The following KIF13A variants were observed in gnomAD, a reference collection of about 807,000 sequenced individuals.
The protein encoded by KIF13A is kinesin family member 13A.
A neutral mutation model predicts 212.2 loss-of-function variants in KIF13A; 79 were observed. The observed-to-expected ratio is 0.37, with a 90% CI of 0.31 to 0.45. The LOEUF (loss-of-function observed/expected upper bound fraction) is 0.45. Among genes scored for constraint, KIF13A ranks in the 20% least tolerant of loss-of-function variants. The pLI, the probability that KIF13A is intolerant of heterozygous loss-of-function variation, is 1.00. For synonymous variants in KIF13A, 789 were observed against 808.6 expected (o/e 0.98, Z 0.41); for missense variants, 1,901 against 2,209.0 (o/e 0.86, Z 2.79).
chr6:17,884,615 A>G (rs1771375315), intron 3 of KIF13A, among the ~76,000 whole-genome samples: 1 of 152,236 alleles, frequency 6.6e-6, no homozygotes, highest in Non-Finnish European at 1.5e-5. Context: ...TATCAATGCA[A>G]AACACACTAC....
At position 17,842,230 on chromosome 6, in the gene KIF13A, T is replaced by C. The variant is rs148576078; in HGVS notation, c.831-4647A>G. Among the ~76,000 whole-genome samples the C allele has an allele frequency of 3.8e-3, 572 of 151,788 alleles. 5 individuals are homozygous for C. The highest frequency in any genetic ancestry group is 0.013 in the African/African-American group (540 of 41,408). On this transcript the variant is annotated intron_variant, in intron 9 of 38. Transcript: ENST00000259711. ...ACACCTGGCTAATTTTTAAATTTTT[T>C]TGTAGAGATGGGGTCTGGCTATGTT...
Position 17,809,351 on chromosome 6 carries a change from T to A in KIF13A, c.2001-421A>T, listed in dbSNP as rs1055712716. Among the ~76,000 whole-genome samples the A allele has an allele frequency of 2.0e-5, 3 of 152,194 alleles. No homozygotes were observed. Among genetic ancestry groups the A allele is most frequent in the African/African-American group, 7.2e-5 (3 of 41,446 alleles). On this transcript the variant is annotated intron_variant, in intron 17 of 38. Coordinates refer to ENST00000259711, the MANE Select transcript of KIF13A (RefSeq NM_022113.6). The surrounding 1 kb of genome is among the most constrained non-coding windows in gnomAD (Gnocchi z 4.7). ...AATTATTTTTCATGACTTCTGCAGTTGGCAAAAGGCATGCAATGGTAAGGT... is the reference window on the plus strand; with the variant it reads ...AATTATTTTTCATGACTTCTGCAGTAGGCAAAAGGCATGCAATGGTAAGGT...
At chr6:17,916,735 A>C (rs1313453502) in intron 2 of KIF13A, among the ~76,000 whole-genome samples, 1 of 152,204 alleles carries the variant, frequency 6.6e-6, no homozygotes, top group Non-Finnish European at 1.5e-5. Flanking sequence ...CAACAACAGG[A>C]AAATACAAAT....
intron 38 of KIF13A, among the ~76,000 whole-genome samples, chr6:17,767,101 A>C (rs528098522): frequency 3.0e-4 from 45 of 152,322 alleles, no homozygotes; most frequent in African/African-American, 1.1e-3. Flanking sequence ...ATTCTAAATT[A>C]AGTAGCATTA....
chr6:17,800,736 G>C (rs187856561), intron 20 of KIF13A, among the ~76,000 whole-genome samples: 17 of 152,022 alleles, frequency 1.1e-4, no homozygotes, highest in African/African-American at 3.4e-4. Flanking sequence ...AAGTAGCTGG[G>C]ATTACAGGTG....
chr6:17,831,312 G>C, intron 12 of KIF13A, 77 bp from the exon 13 acceptor site: 1 of 1,506,466 alleles, frequency 6.6e-7, no homozygotes, highest in Non-Finnish European at 9.0e-7. Context: ...GAAAGAGTAA[G>C]TCACTGTTTC....
At chr6:17,813,503 A>G (rs915130950) in intron 17 of KIF13A, among the ~76,000 whole-genome samples, 1 of 152,276 alleles carries the variant, frequency 6.6e-6, no homozygotes, top group African/African-American at 2.4e-5. Context: ...CAGAAAAAAG[A>G]GTAATATAAG....
rs981783817 is a variant in KIF13A at position 17,968,615 on chromosome 6, C to T, written c.146+18439G>A. ...GCTGCTCCATAGGTTGTGCAGTGAA[C>T]ATTAAAAATGTGAACTTTGTCAAAG... On this transcript the variant is annotated intron_variant, in intron 2 of 38. Transcript: ENST00000259711. This position sits in a 1 kb window ranked among gnomAD's most constrained non-coding sequence, Gnocchi z 4.7. Among the ~76,000 whole-genome samples, 10 of 152,200 alleles carry T rather than the reference C, an allele frequency of 6.6e-5. No homozygotes were observed. The highest frequency in any genetic ancestry group is 1.7e-4 in the African/African-American group (7 of 41,440).
chr6:17,866,898 C>G (rs1769460583), intron 4 of KIF13A, among the ~76,000 whole-genome samples: 1 of 141,794 alleles, frequency 7.1e-6, no homozygotes, highest in Non-Finnish European at 1.5e-5. Flanking sequence ...CATATATATA[C>G]ACTTAAAAAA....
chr6:17,945,025 C>T (rs1002160635), intron 2 of KIF13A, among the ~76,000 whole-genome samples: 1 of 152,168 alleles, frequency 6.6e-6, no homozygotes, highest in Non-Finnish European at 1.5e-5. Flanking sequence ...GTAATTCCAG[C>T]ACTTTGGGAG....
At chr6:17,959,409 T>C (rs1778628548) in intron 2 of KIF13A, among the ~76,000 whole-genome samples, 1 of 152,232 alleles carries the variant, frequency 6.6e-6, no homozygotes. Flanking sequence ...AAAAAGAGTT[T>C]TATAAAATAT....
chr6:17,821,688 A>G, intron 16 of KIF13A: 1 of 1,307,750 alleles, frequency 7.6e-7, no homozygotes, highest in Non-Finnish European at 1.0e-6. Flanking sequence ...CAATCATGTT[A>G]GTTAGATTTT....
rs1038815973 is a variant in KIF13A at position 17,900,395 on chromosome 6, C to T, written c.147-2215G>A. On this transcript the variant is annotated intron_variant, in intron 2 of 38. Coordinates refer to ENST00000259711, the MANE Select transcript of KIF13A (RefSeq NM_022113.6). This position sits in a 1 kb window ranked among gnomAD's most constrained non-coding sequence, Gnocchi z 4.6. ...CTTCATTCTTCTTAGAAAACCAATCCTATTTCAGCATTTTAAGCACTTTAA... is the reference window on the plus strand; with the variant it reads ...CTTCATTCTTCTTAGAAAACCAATCTTATTTCAGCATTTTAAGCACTTTAA... 3.9e-5 allele frequency among the ~76,000 whole-genome samples: 6 copies of T among 152,200 alleles called. No individual in the cohort carries two copies. The South Asian group carries it at 8.3e-4, about 21-fold the overall frequency.
At chr6:17,782,858 C>T (rs971084273) in intron 29 of KIF13A, among the ~76,000 whole-genome samples, 1 of 152,186 alleles carries the variant, frequency 6.6e-6, no homozygotes, top group African/African-American at 2.4e-5. Context: ...GTTCGCCCCT[C>T]ACAAATCTCT....
rs1760814551 is a variant in KIF13A, at chr6:17,783,822, T to C, written c.3489-121A>G. 1.5e-6 allele frequency: 1 copy of C among 689,408 alleles called. No homozygotes were observed. Among genetic ancestry groups the C allele is most frequent in the African/African-American group, 1.8e-5 (1 of 55,984 alleles). 42.7% of individuals were successfully genotyped at this position (689,408 alleles called of 1,614,324 possible). ...ATGGTGGAGATGCAGTTTCCACTAA[T>C]GAAATACTTTCATATTTCTTGACTT... On this transcript the variant is annotated intron_variant, in intron 28 of 38. Coordinates refer to ENST00000259711, the MANE Select transcript of KIF13A (RefSeq NM_022113.6). This position sits in a 1 kb window ranked among gnomAD's most constrained non-coding sequence, Gnocchi z 4.3.
At chr6:17,830,853 T>C (rs1201989386) in intron 13 of KIF13A, among the ~76,000 whole-genome samples, 1 of 152,128 alleles carries the variant, frequency 6.6e-6, no homozygotes, top group Non-Finnish European at 1.5e-5. Context: ...CCTCGACACC[T>C]ACTGTTGCCC....
chr6:17,815,464 C>A, intron 17 of KIF13A: 1 of 180,734 alleles, frequency 5.5e-6, no homozygotes, highest in Non-Finnish European at 1.2e-5. Context: ...ACTGCTAGAC[C>A]AAGGCCCGCT....
Position 17,951,190 on chromosome 6 carries a change from T to C in KIF13A, c.146+35864A>G. On this transcript the variant is annotated intron_variant, in intron 2 of 38. Coordinates refer to ENST00000259711, the MANE Select transcript of KIF13A (RefSeq NM_022113.6). This position sits in a 1 kb window ranked among gnomAD's most constrained non-coding sequence, Gnocchi z 4.9. ...TTTTTTTGAAGACAGGGTCTGGCTCTGTCACCCAGGCTGGCGTGCAGTGGC... is the reference window on the plus strand; with the variant it reads ...TTTTTTTGAAGACAGGGTCTGGCTCCGTCACCCAGGCTGGCGTGCAGTGGC... The C allele has an allele frequency of 1.6e-6, 2 of 1,231,216 alleles. No individual in the cohort carries two copies. Among genetic ancestry groups the C allele is most frequent in the Middle Eastern group, 3.1e-4 (1 of 3,248 alleles). 76.3% of individuals were successfully genotyped at this position (1,231,216 alleles called of 1,614,324 possible).
chr6:17,849,856 T>C lies in KIF13A; in HGVS notation c.718-367A>G, dbSNP rs977825956. 6.6e-6 allele frequency among the ~76,000 whole-genome samples: 1 copy of C among 152,218 alleles called. No individual in the cohort carries two copies. The highest frequency in any genetic ancestry group is 1.5e-5 in the Non-Finnish European group (1 of 68,038). On this transcript the variant is annotated intron_variant, in intron 8 of 38. Transcript: ENST00000259711. The surrounding 1 kb of genome is among the most constrained non-coding windows in gnomAD (Gnocchi z 5.7). ...AAGGTTTAGGCTAAAGGTTGTGGTG[T>C]CCTCTTTAATATCCCTCAATGGCTA...
Sources: gnomAD v4.1 joint callset for allele counts (sites outside exome capture counted in the v4.1 genomes callset) on GRCh38, gnomAD v4.1.1 for gene constraint, Gnocchi (gnomAD v3.1) non-coding constraint, MANE v1.5 for transcripts, NCBI Gene and HGNC (gene_info 2026-07-23, HGNC 2026-07-21) for gene names.